MMP15: variants seen among roughly 807,000 people sequenced by gnomAD.
The protein encoded by MMP15 is matrix metalloproteinase-15.
A neutral mutation model predicts 65.0 loss-of-function variants in MMP15; 36 were observed. The ratio of observed to expected loss-of-function variants is 0.55; its 90% CI spans 0.42 to 0.73. The LOEUF (loss-of-function observed/expected upper bound fraction) is 0.73. Ranked by LOEUF, MMP15 falls within the 30% of genes least tolerant of loss-of-function variation. The pLI is 0.00. For synonymous variants in MMP15, 428 were observed against 410.2 expected, an observed-to-expected ratio of 1.04 and a Z score of -0.52; for missense variants, 870 against 987.8, an observed-to-expected ratio of 0.88 and a Z score of 1.60.
intron 1 of MMP15, among the ~76,000 whole-genome samples, chr16:58,031,912 G>A (rs1026631957): frequency 7.9e-6 from 1 of 126,190 alleles, no homozygotes; most frequent in South Asian, 2.6e-4. Context: ...TTGTGGCCCA[G>A]GCTGGAGTGC....
chr16:58,025,986 G>A lies in MMP15; in HGVS notation c.-365G>A, dbSNP rs1250768971. On this transcript the variant is annotated 5_prime_UTR_variant, in exon 1 of 10. The change creates a premature stop within an existing upstream ORF in the 5' untranslated region. Coordinates refer to ENST00000219271, the MANE Select transcript of MMP15 (RefSeq NM_002428.4). Reference sequence around the variant, plus strand: ...GCCCCGGGCATGGACAGAGGGAGCTGGGCGCGCAGGGAGCGCCGCGGGACC... The same window carrying A: ...GCCCCGGGCATGGACAGAGGGAGCTAGGCGCGCAGGGAGCGCCGCGGGACC... The A allele has an allele frequency of 6.6e-5, 11 of 167,610 alleles. No homozygotes were observed. In the South Asian group the frequency reaches 2.2e-3, roughly 34 times the overall value. The allele number at this position is 167,610 out of a possible 1,614,324, so 10.4% of individuals were successfully genotyped here. A position where few individuals can be genotyped will look rare whatever the true frequency, so the allele number is the denominator to read the frequency against.
chr16:58,026,629 C>G (rs1319864727), intron 1 of MMP15, 117 bp downstream of exon 1: 3 of 1,148,146 alleles, frequency 2.6e-6, no homozygotes, highest in Non-Finnish European at 2.2e-6. Context: ...TGTTCTGGGC[C>G]GTGGCGGGGA....
intron 2 of MMP15, among the ~76,000 whole-genome samples, chr16:58,037,994 C>T (rs560375543): frequency 1.6e-4 from 25 of 152,300 alleles, no homozygotes; most frequent in African/African-American, 5.3e-4. Context: ...CAGAGCATAA[C>T]GTATCCAGGA....
chr16:58,042,896 C>T (rs1959483773), intron 7 of MMP15, among the ~76,000 whole-genome samples: 1 of 152,198 alleles, frequency 6.6e-6, no homozygotes, highest in Non-Finnish European at 1.5e-5. Context: ...ACACAGCCCC[C>T]AGACCCAGAG....
intron 1 of MMP15, among the ~76,000 whole-genome samples, chr16:58,032,788 A>G (rs952226481): frequency 2.0e-5 from 3 of 152,224 alleles, no homozygotes; most frequent in African/African-American, 7.2e-5. Context: ...CAAGGCCACA[A>G]AAGGTCCGGG....
Position 58,040,094 on chromosome 16 carries a change from C to G in MMP15, c.660C>G (p.Ala220=). The part of the protein sequence containing the change: ...SPFDGTGGFL[A]HAYFPGPGLG... Reference sequence around the variant, plus strand: ...TTGATGGCACCGGTGGCTTTCTGGCCCACGCCTATTTCCCTGGCCCCGGCC... The same window carrying G: ...TTGATGGCACCGGTGGCTTTCTGGCGCACGCCTATTTCCCTGGCCCCGGCC... The change falls in exon 4 of 10, where the codon GCC becomes GCG. Residue 220 remains alanine, a synonymous_variant. Coordinates refer to ENST00000219271, the MANE Select transcript of MMP15 (RefSeq NM_002428.4). 6.2e-7 allele frequency: 1 copy of G among 1,614,048 alleles called. No homozygotes were observed. The highest frequency in any genetic ancestry group is 8.5e-7 in the Non-Finnish European group (1 of 1,180,032).
intron 1 of MMP15, among the ~76,000 whole-genome samples, chr16:58,034,864 T>C (rs1959297673): frequency 2.0e-5 from 3 of 152,294 alleles, no homozygotes; most frequent in Admixed American, 2.0e-4. Flanking sequence ...TGCCGGTCTC[T>C]GGAGCTCTTC....
Position 58,038,402 on chromosome 16 carries a change from G to C in MMP15, c.440+8G>C. The C allele has an allele frequency of 6.2e-7, 1 of 1,613,730 alleles. No individual in the cohort carries two copies. On this transcript the variant is annotated splice_region_variant and intron_variant, in intron 3 of 9. Transcript: ENST00000219271. ...CCACCATCTGACCTTTAGGTAGGGGGCTCAGCTGCCCAGGGAAGCATCTGC... is the reference window on the plus strand; with the variant it reads ...CCACCATCTGACCTTTAGGTAGGGGCCTCAGCTGCCCAGGGAAGCATCTGC...
rs1959480475 is a variant in MMP15, at chr16:58,042,659, C to T, written c.1303+290C>T. On this transcript the variant is annotated intron_variant, in intron 7 of 9. Coordinates refer to ENST00000219271, the MANE Select transcript of MMP15 (RefSeq NM_002428.4). ...GCCTCTTTGCCTCCTGCAGCCCCATCCTCATAAGAACAGGTGCCCCCAGCC... is the reference window on the plus strand; with the variant it reads ...GCCTCTTTGCCTCCTGCAGCCCCATTCTCATAAGAACAGGTGCCCCCAGCC... Among the ~76,000 whole-genome samples, 3 of 152,236 alleles carry T rather than the reference C, an allele frequency of 2.0e-5. No homozygotes were observed. The South Asian group carries it at 6.2e-4, about 31-fold the overall frequency.
At chr16:58,030,091 C>T (rs546110920) in intron 1 of MMP15, among the ~76,000 whole-genome samples, 1 of 152,278 alleles carries the variant, frequency 6.6e-6, no homozygotes, top group South Asian at 2.1e-4. Flanking sequence ...CCATATCATC[C>T]CAAGGCTTAG....
chr16:58,040,637 G>T lies in MMP15; in HGVS notation c.849G>T (p.Trp283Cys). 2 of 1,614,210 alleles carry T rather than the reference G, an allele frequency of 1.2e-6. No individual in the cohort carries two copies. The highest frequency in any genetic ancestry group is 1.7e-6 in the Non-Finnish European group (2 of 1,180,046). ...PNAIMAPFYQ[W>C]KDVDNFKLPE... ...CCATCATGGCGCCGTTCTACCAGTGGAAGGACGTTGACAACTTCAAGCTGC... is the reference window on the plus strand; with the variant it reads ...CCATCATGGCGCCGTTCTACCAGTGTAAGGACGTTGACAACTTCAAGCTGC... The change falls in exon 5 of 10, where the codon TGG (tryptophan) becomes TGT (cysteine). Residue 283 changes from tryptophan to cysteine, a missense_variant. Trp to Cys is a radical substitution (Grantham distance 215). Coordinates refer to ENST00000219271, the MANE Select transcript of MMP15 (RefSeq NM_002428.4).
chr16:58,028,789 C>G (rs887110672), intron 1 of MMP15, among the ~76,000 whole-genome samples: 2 of 152,238 alleles, frequency 1.3e-5, no homozygotes, highest in Non-Finnish European at 2.9e-5. Flanking sequence ...CATCAAGGAG[C>G]CTGGCATGTG....
chr16:58,044,961 TGGTTC>T lies in MMP15; in HGVS notation c.1571-43_1571-39del. ...CCTGGCCTTTGATGGTTCTCACTGG[TGGTTC>T]GGCTCAACCTGAAGCCACTCTGGCC... On this transcript the variant is annotated intron_variant, in intron 9 of 9. Coordinates refer to ENST00000219271, the MANE Select transcript of MMP15 (RefSeq NM_002428.4). 4 of 1,604,092 alleles carry T rather than the reference TGGTTC, an allele frequency of 2.5e-6. No homozygotes were observed. In the East Asian group the frequency reaches 8.9e-5, roughly 36 times the overall value.
At chr16:58,034,100 G>C (rs1018580438) in intron 1 of MMP15, among the ~76,000 whole-genome samples, 1 of 152,238 alleles carries the variant, frequency 6.6e-6, no homozygotes, top group Non-Finnish European at 1.5e-5. Flanking sequence ...AAGACTTTCT[G>C]AGCCTCAGTT....
At chr16:58,026,975 C>G (rs1042626164) in intron 1 of MMP15, among the ~76,000 whole-genome samples, 5 of 152,228 alleles carry the variant, frequency 3.3e-5, no homozygotes, top group African/African-American at 1.2e-4. Context: ...TGGGCAACTG[C>G]GCTCCTGCCC....
chr16:58,039,972 C>G lies in MMP15; in HGVS notation c.538C>G (p.Gln180Glu). The change falls in exon 4 of 10, where the codon CAG (glutamine) becomes GAG (glutamate). Residue 180 changes from glutamine (Q) to glutamate (E), a missense_variant. By Grantham distance (29) the Gln-to-Glu change is conservative (BLOSUM62 2). Transcript: ENST00000219271. The stretch of plus-strand genomic sequence containing the variant: ...GGAGCAGGCCACGCCCCTGGTCTTC[C>G]AGGAGGTGCCCTATGAGGACATCCG... ...VWEQATPLVFQEVPYEDIRLR... is the reference protein window; with the variant it reads ...VWEQATPLVFEEVPYEDIRLR... The G allele has an allele frequency of 6.2e-7, 1 of 1,613,956 alleles. No individual in the cohort carries two copies. The highest frequency in any genetic ancestry group is 1.7e-5 in the Admixed American group (1 of 60,028).
In MMP15 at chr16:58,026,347, G is replaced by C; in HGVS notation, c.-4G>C. 5 of 1,344,116 alleles carry C rather than the reference G, an allele frequency of 3.7e-6. No individual in the cohort carries two copies. Among genetic ancestry groups the C allele is most frequent in the Non-Finnish European group, 4.7e-6 (5 of 1,053,056 alleles). The allele number at this position is 1,344,116 out of a possible 1,614,324, so 83.3% of individuals were successfully genotyped here. A position where few individuals can be genotyped will look rare whatever the true frequency, so the allele number is the denominator to read the frequency against. On this transcript the variant is annotated 5_prime_UTR_variant, in exon 1 of 10. Transcript: ENST00000219271. Reference sequence around the variant, plus strand: ...TGTTCCGAGCTGGGCTGGGCGCCGAGAGCATGGGCAGCGACCCGAGCGCGC... The same window carrying C: ...TGTTCCGAGCTGGGCTGGGCGCCGACAGCATGGGCAGCGACCCGAGCGCGC...
rs371801346 is a variant in MMP15, at chr16:58,040,510, G to C, written c.749-27G>C. ...GTCCTGGGACTGGCCACAGCTGACT[G>C]TGCTGCCCTCCTTCTCTCCCCAAAA... On this transcript the variant is annotated intron_variant, in intron 4 of 9. Coordinates refer to ENST00000219271, the MANE Select transcript of MMP15 (RefSeq NM_002428.4). The C allele has an allele frequency of 1.6e-5, 25 of 1,606,926 alleles. No homozygotes were observed. In the Admixed American group the frequency reaches 2.5e-4, roughly 16 times the overall value.
chr16:58,041,641 C>T lies in MMP15; in HGVS notation c.935C>T (p.Pro312Leu). 6.3e-7 allele frequency: 1 copy of T among 1,574,822 alleles called. No homozygotes were observed. Among genetic ancestry groups the T allele is most frequent in the Non-Finnish European group, 8.6e-7 (1 of 1,161,510 alleles). ...GGTACCCCAGACGGTCAGCCACAGC[C>T]TACCCAGCCTCTCCCCACTGTGACG... Reference protein sequence around the residue: ...LYGTPDGQPQPTQPLPTVTPR... With the variant: ...LYGTPDGQPQLTQPLPTVTPR... The change falls in exon 6 of 10, where the codon CCT (proline) becomes CTT (leucine). Residue 312 changes from proline to leucine, a missense_variant. By Grantham distance (98) the Pro-to-Leu change is moderately conservative. Coordinates refer to ENST00000219271, the MANE Select transcript of MMP15 (RefSeq NM_002428.4).
Sources: allele counts gnomAD v4.1 joint callset (sites outside exome capture counted in the v4.1 genomes callset), GRCh38; gene constraint gnomAD v4.1.1; transcripts MANE v1.5; gene names NCBI Gene and HGNC (gene_info 2026-07-23, HGNC 2026-07-21).